Variants in MTMR9 observed in about 807,000 individuals in gnomAD.
MTMR9 encodes myotubularin related protein 9.
MTMR9 carries 39 observed loss-of-function variants against 69.5 expected under a neutral mutation model. The observed-to-expected ratio is 0.56, with a 90% CI of 0.43 to 0.73. The LOEUF is 0.73. MTMR9 is among the 30% of genes least tolerant of loss of function. The pLI is 0.00. For missense variants in MTMR9, 900 were observed against 671.2 expected, an observed-to-expected ratio of 1.34 and a Z score of -3.77; for synonymous variants, 354 against 240.8, an observed-to-expected ratio of 1.47 and a Z score of -4.35.
chr8:11,297,895 C>T (rs1000802050), intron 2 of MTMR9: 4 of 456,278 alleles, frequency 8.8e-6, no homozygotes, highest in Admixed American at 2.3e-5. Flanking sequence ...CTTTTCCTGG[C>T]ACAGAATCCC....
downstream of MTMR9, among the ~76,000 whole-genome samples, chr8:11,330,376 TGAG>T (rs1160197880): frequency 2.0e-5 from 3 of 151,280 alleles, no homozygotes; most frequent in Admixed American, 1.3e-4. Context: ...TTCTGGGAAG[TGAG>T]GAGCCCCTCT....
intron 9 of MTMR9, chr8:11,321,486 T>C (rs371581687): frequency 2.2e-6 from 1 of 456,472 alleles, no homozygotes; most frequent in Admixed American, 2.4e-5. Context: ...AATTGCTTTG[T>C]ACCAAACCTC....
At position 11,322,670 on chromosome 8, in the gene MTMR9, C is replaced by T; in HGVS notation, c.1532C>T (p.Ala511Val). 1.9e-6 allele frequency: 3 copies of T among 1,613,626 alleles called. No homozygotes were observed. The highest frequency in any genetic ancestry group is 2.2e-5 in the East Asian group (1 of 44,882). The change falls in exon 10 of 10, where the codon GCA becomes GTA. Residue 511 changes from alanine (A) to valine (V), a missense_variant. Transcript: ENST00000221086. ...WNRSSKYLDE[A>V]YEEMVNIIEY... Reference sequence around the variant, plus strand: ...AGATCCTCTAAGTATTTGGATGAAGCATATGAAGAAATGGTTAACATCATT... The same window carrying T: ...AGATCCTCTAAGTATTTGGATGAAGTATATGAAGAAATGGTTAACATCATT...
At chr8:11,331,700 G>C (rs373304487), downstream of MTMR9, 7 of 1,611,854 alleles carry the variant, frequency 4.3e-6, no homozygotes, top group African/African-American at 8.0e-5. Context: ...AGGCTTTCCT[G>C]GGAGGCCTGG....
intron 1 of MTMR9, among the ~76,000 whole-genome samples, chr8:11,287,972 A>G (rs186780902): frequency 1.4e-3 from 179 of 127,438 alleles, no homozygotes; most frequent in African/African-American, 4.7e-3. Context: ...TATGTATTAT[A>G]TATGTATTAT....
intron 1 of MTMR9, among the ~76,000 whole-genome samples, chr8:11,289,391 C>G (rs1799301789): frequency 6.6e-6 from 1 of 152,152 alleles, no homozygotes; most frequent in Non-Finnish European, 1.5e-5. Context: ...TAATGCTTCA[C>G]AAGTCTGTGG....
chr8:11,315,119 C>T (rs990625930), intron 7 of MTMR9, 55 bp downstream of exon 7: 3 of 1,579,680 alleles, frequency 1.9e-6, no homozygotes, highest in Non-Finnish European at 2.6e-6. Context: ...TGTGATCCTG[C>T]TTTGTGTGGT....
Position 11,287,402 on chromosome 8 carries a change from G to A in MTMR9, c.182+2332G>A, listed in dbSNP as rs938640937. On this transcript the variant is annotated intron_variant, in intron 1 of 9. Transcript: ENST00000221086. ...ATGAAGAAGAAGCAGATGAGCCATGGACCTTTGAATCTGTTAGGAGAGAAT... is the reference window on the plus strand; with the variant it reads ...ATGAAGAAGAAGCAGATGAGCCATGAACCTTTGAATCTGTTAGGAGAGAAT... Among the ~76,000 whole-genome samples the A allele has an allele frequency of 2.0e-5, 3 of 152,094 alleles. No individual in the cohort carries two copies. In the South Asian group the frequency reaches 6.2e-4, roughly 31 times the overall value.
At chr8:11,287,170 C>T (rs1314391244) in intron 1 of MTMR9, among the ~76,000 whole-genome samples, 1 of 152,192 alleles carries the variant, frequency 6.6e-6, no homozygotes, top group Non-Finnish European at 1.5e-5. Context: ...TTCGAAACGT[C>T]TAACTGTGGC....
chr8:11,329,150 C>T (rs79553267), downstream of MTMR9, among the ~76,000 whole-genome samples: 332 of 152,318 alleles, frequency 2.2e-3, 4 homozygotes, highest in East Asian at 0.037. Context: ...GTGTTAATCA[C>T]TGGAAGGCTG....
intron 1 of MTMR9, among the ~76,000 whole-genome samples, chr8:11,292,058 T>C (rs116810552): frequency 3.4e-3 from 522 of 152,284 alleles, no homozygotes; most frequent in Middle Eastern, 0.014. Context: ...TTCTTTTCTT[T>C]TCCAAGTAGT....
intron 2 of MTMR9, among the ~76,000 whole-genome samples, chr8:11,296,753 T>C (rs1799576420): frequency 6.6e-6 from 1 of 152,246 alleles, no homozygotes; most frequent in African/African-American, 2.4e-5. Flanking sequence ...TGGATGCATG[T>C]GGTGAGACTT....
rs1800109896 is a variant in MTMR9 at position 11,309,599 on chromosome 8, A to T, written c.882A>T (p.Arg294=). 2 of 1,613,852 alleles carry T rather than the reference A, an allele frequency of 1.2e-6. No individual in the cohort carries two copies. Among genetic ancestry groups the T allele is most frequent in the Non-Finnish European group, 1.7e-6 (2 of 1,179,882 alleles). The change falls in exon 6 of 10, where the codon CGA becomes CGT. Residue 294 remains arginine (R), a synonymous_variant. Coordinates refer to ENST00000221086, the MANE Select transcript of MTMR9 (RefSeq NM_015458.4). ...ATGACCAAACACATAACATGGACCG[A>T]TGGCTCAGTAAATTGGAGGCCTCTA... ...ACNDQTHNMD[R]WLSKLEASNW...
rs1435759624 is a variant in MTMR9 at position 11,324,118 on chromosome 8, A to G, written c.*1330A>G. The G allele has an allele frequency of 6.6e-6, 1 of 152,120 alleles. No homozygotes were observed. Among genetic ancestry groups the G allele is most frequent in the Non-Finnish European group, 1.5e-5 (1 of 68,012 alleles). The allele number at this position is 152,120 out of a possible 1,614,324, so 9.4% of individuals were successfully genotyped here. ...TAATCTTTAAAACCATTTCCATACC[A>G]TCTGTATATAACCATTTCGGTAGAG... On this transcript the variant is annotated 3_prime_UTR_variant, in exon 10 of 10. Coordinates refer to ENST00000221086, the MANE Select transcript of MTMR9 (RefSeq NM_015458.4).
Position 11,322,793 on chromosome 8 carries a change from T to A in MTMR9, c.*5T>A. ...GGGATGCAGGAGAGTCCCTGAAAGG[T>A]CTCCTCGCACCCTTCGCAAGGACCT... On this transcript the variant is annotated 3_prime_UTR_variant, in exon 10 of 10. Transcript: ENST00000221086. 3.1e-6 allele frequency: 5 copies of A among 1,613,154 alleles called. No homozygotes were observed. The highest frequency in any genetic ancestry group is 4.2e-6 in the Non-Finnish European group (5 of 1,179,514).
chr8:11,331,835 C>T (rs2572403), downstream of MTMR9: 20 of 1,611,732 alleles, frequency 1.2e-5, no homozygotes, highest in Admixed American at 1.7e-5. Flanking sequence ...TGCTGCAGAC[C>T]CCCGTGTTGC....
At chr8:11,295,011 A>G in intron 1 of MTMR9, 183 bp from the exon 2 acceptor site, 4 of 416,164 alleles carry the variant, frequency 9.6e-6, no homozygotes, top group East Asian at 4.0e-5. Flanking sequence ...AAAAAGACAT[A>G]TATTGTAAGT....
chr8:11,295,620 G>C (rs1799527256), intron 2 of MTMR9, among the ~76,000 whole-genome samples: 1 of 152,204 alleles, frequency 6.6e-6, no homozygotes, highest in South Asian at 2.1e-4. Context: ...TTGAGTGTAT[G>C]AGTTCTTATT....
At chr8:11,322,526 A>C in intron 9 of MTMR9, 99 bp from the exon 10 acceptor site, 1 of 991,262 alleles carries the variant, frequency 1.0e-6, no homozygotes, top group Non-Finnish European at 1.5e-6. Flanking sequence ...AAAAGAAAAA[A>C]GAATGTATAA....
Sources: allele counts gnomAD v4.1 joint callset (sites outside exome capture counted in the v4.1 genomes callset), GRCh38; gene constraint gnomAD v4.1.1; transcripts MANE v1.5; gene names NCBI Gene and HGNC (gene_info 2026-07-23, HGNC 2026-07-21).